HDAC4: variants seen among roughly 807,000 people sequenced by gnomAD.
HDAC4 encodes histone deacetylase A.
A neutral mutation model predicts 135.1 loss-of-function variants in HDAC4; 16 were observed. The observed-to-expected ratio is 0.12, with a 90% CI of 0.08 to 0.18. The LOEUF is 0.18. Among genes scored for constraint, HDAC4 ranks in the 10% least tolerant of loss-of-function variants. The pLI is 1.00. For synonymous variants in HDAC4, 685 were observed against 653.4 expected (o/e 1.05, Z -0.74); for missense variants, 1,143 against 1,511.8 (o/e 0.76, Z 4.05).
chr2:239,185,842 C>A (rs2044516637), intron 4 of HDAC4, among the ~76,000 whole-genome samples: 1 of 152,094 alleles, frequency 6.6e-6, no homozygotes, highest in Admixed American at 6.5e-5. Context: ...CCTAGCCTGG[C>A]CAACATGGGA....
chr2:239,391,598 G>A (rs759625009), intron 1 of HDAC4, among the ~76,000 whole-genome samples: 1 of 152,204 alleles, frequency 6.6e-6, no homozygotes, highest in Non-Finnish European at 1.5e-5. Flanking sequence ...GATGACAAAG[G>A]ACTCACTGAG....
chr2:239,156,461 T>C, intron 7 of HDAC4, among the ~76,000 whole-genome samples, 191 bp downstream of exon 7: 1 of 152,248 alleles, frequency 6.6e-6, no homozygotes, highest in Non-Finnish European at 1.5e-5. Context: ...TTCATTTCTT[T>C]TGAAATAAAT....
chr2:239,163,022 G>A (rs995359219), intron 6 of HDAC4, among the ~76,000 whole-genome samples: 2 of 152,082 alleles, frequency 1.3e-5, no homozygotes, highest in African/African-American at 4.8e-5. Context: ...GCGATCCTCT[G>A]TTGCCCTTGC....
intron 22 of HDAC4, among the ~76,000 whole-genome samples, chr2:239,080,382 A>C (rs1288638007): frequency 6.6e-6 from 1 of 152,202 alleles, no homozygotes; most frequent in Non-Finnish European, 1.5e-5. Context: ...CCTTCTCCTC[A>C]CGTGGCTCTG....
intron 2 of HDAC4, among the ~76,000 whole-genome samples, chr2:239,251,132 C>G (rs958266484): frequency 3.3e-5 from 5 of 152,230 alleles, no homozygotes; most frequent in African/African-American, 1.2e-4. Flanking sequence ...TAAACGATTT[C>G]AAGACGTTTT....
intron 3 of HDAC4, among the ~76,000 whole-genome samples, chr2:239,207,842 G>A (rs1418638283): frequency 6.6e-6 from 1 of 152,184 alleles, no homozygotes; most frequent in Non-Finnish European, 1.5e-5. Flanking sequence ...AGGATCCTGA[G>A]CCAATCCTAT....
At position 239,051,541 on chromosome 2, in the gene HDAC4, C is replaced by A. The variant is rs1023756739; in HGVS notation, c.*1556G>T. 1.2e-4 allele frequency: 19 copies of A among 152,560 alleles called. No homozygotes were observed. 9.5% of individuals were successfully genotyped at this position (152,560 alleles called of 1,614,324 possible). ...TCATAAAACAATGCTTATTCAGGAT[C>A]TTTTTGTGAAAAAATTCATACAAAA... On this transcript the variant is annotated 3_prime_UTR_variant, in exon 27 of 27. Coordinates refer to ENST00000543185, the MANE Select transcript of HDAC4 (RefSeq NM_001378414.1).
chr2:239,145,731 G>A (rs180725446), intron 7 of HDAC4, among the ~76,000 whole-genome samples: 8 of 152,060 alleles, frequency 5.3e-5, no homozygotes, highest in Middle Eastern at 3.4e-3. Context: ...TAAAGAATCA[G>A]CACTCCTGCT....
intron 2 of HDAC4, among the ~76,000 whole-genome samples, chr2:239,269,517 C>G (rs1470638539): frequency 1.3e-5 from 2 of 152,256 alleles, no homozygotes; most frequent in African/African-American, 2.4e-5. Context: ...CAGGAATTCT[C>G]TGCAAGCTCC....
At chr2:239,066,955 G>T in intron 23 of HDAC4, 100 bp from the exon 24 acceptor site, 1 of 1,449,340 alleles carries the variant, frequency 6.9e-7, no homozygotes, top group Non-Finnish European at 9.5e-7. Context: ...ACTGGGGGCT[G>T]GGGTGTCGAG....
rs2031124932 is a variant in HDAC4 at position 239,053,093 on chromosome 2, A to G, written c.*4T>C. The G allele has an allele frequency of 6.2e-7, 1 of 1,614,018 alleles. No individual in the cohort carries two copies. On this transcript the variant is annotated 3_prime_UTR_variant, in exon 27 of 27. Transcript: ENST00000543185. ...GACAAGAGAACAGCAGCTTCGAGGG[A>G]GTGCTACAGGGGCGGCTCCTCTTCC...
chr2:239,197,038 G>A (rs1376070817), intron 3 of HDAC4, among the ~76,000 whole-genome samples: 1 of 152,152 alleles, frequency 6.6e-6, no homozygotes, highest in African/African-American at 2.4e-5. Flanking sequence ...CTCTGTCTCT[G>A]CCCTACCTTA....
At chr2:239,386,344 G>T in intron 1 of HDAC4, among the ~76,000 whole-genome samples, 1 of 152,148 alleles carries the variant, frequency 6.6e-6, no homozygotes, top group Admixed American at 6.5e-5. Context: ...CTGGAGGGAC[G>T]AGGAAAGACC....
At chr2:239,105,457 G>C (rs1236779814) in intron 15 of HDAC4, among the ~76,000 whole-genome samples, 1 of 152,236 alleles carries the variant, frequency 6.6e-6, no homozygotes, top group Non-Finnish European at 1.5e-5. Flanking sequence ...AGCTTCCCAA[G>C]GCCTGCTCTG....
intron 2 of HDAC4, among the ~76,000 whole-genome samples, chr2:239,287,138 C>T (rs1445619546): frequency 6.6e-6 from 1 of 152,122 alleles, no homozygotes; most frequent in African/African-American, 2.4e-5. Flanking sequence ...ACTTCGTGAG[C>T]CCACAGTGAT....
chr2:239,315,478 A>G (rs1031774524), intron 2 of HDAC4, among the ~76,000 whole-genome samples: 2 of 152,208 alleles, frequency 1.3e-5, no homozygotes, highest in African/African-American at 4.8e-5. Context: ...GAAACATTCA[A>G]AATGAAACCC....
At chr2:239,260,156 C>G (rs192023749) in intron 2 of HDAC4, among the ~76,000 whole-genome samples, 9 of 152,318 alleles carry the variant, frequency 5.9e-5, no homozygotes, top group Admixed American at 5.2e-4. Flanking sequence ...TCCCATCCAA[C>G]GGAAGCCCCT....
At chr2:239,180,371 C>A (rs763771265) in intron 4 of HDAC4, among the ~76,000 whole-genome samples, 1 of 152,116 alleles carries the variant, frequency 6.6e-6, no homozygotes, top group African/African-American at 2.4e-5. Flanking sequence ...CTGGACCTCG[C>A]TTCCCACTGC....
At chr2:239,135,431 C>T (rs1256681828) in intron 9 of HDAC4, among the ~76,000 whole-genome samples, 3 of 152,106 alleles carry the variant, frequency 2.0e-5, no homozygotes, top group Non-Finnish European at 2.9e-5. Flanking sequence ...AAGGGGAAGG[C>T]GCTCAGGAAA....
Sources: allele counts gnomAD v4.1 joint callset (sites outside exome capture counted in the v4.1 genomes callset), GRCh38; gene constraint gnomAD v4.1.1; transcripts MANE v1.5; gene names NCBI Gene and HGNC (gene_info 2026-07-23, HGNC 2026-07-21).